ANKRD44: variants seen among roughly 807,000 people sequenced by gnomAD.
ANKRD44 encodes serine/threonine-protein phosphatase 6 regulatory ankyrin repeat subunit B.
In ANKRD44, 35 loss-of-function variants were observed where a neutral mutation model predicts 116.0. That is an observed-to-expected ratio of 0.30 (90% CI 0.23 to 0.40). The LOEUF (loss-of-function observed/expected upper bound fraction) is 0.40. Ranked by LOEUF, ANKRD44 falls within the 10% of genes least tolerant of loss-of-function variation. The pLI, the probability that ANKRD44 is intolerant of heterozygous loss-of-function variation, is 1.00. For missense variants in ANKRD44, 1,014 were observed against 1,242.6 expected, an observed-to-expected ratio of 0.82 and a Z score of 2.77; for synonymous variants, 435 against 461.8, an observed-to-expected ratio of 0.94 and a Z score of 0.74.
downstream of ANKRD44, among the ~76,000 whole-genome samples, chr2:196,983,523 G>A (rs544761168): frequency 6.6e-6 from 1 of 152,268 alleles, no homozygotes; most frequent in South Asian, 2.1e-4. Context: ...TAGGATCTGA[G>A]TTTAAATGTT....
At position 197,058,515 on chromosome 2, in the gene ANKRD44, A is replaced by G. The variant is rs1005997545; in HGVS notation, c.1650+20188T>C. Among the ~76,000 whole-genome samples the G allele has an allele frequency of 7.9e-5, 12 of 152,106 alleles. 1 individual carries two copies. Among genetic ancestry groups the G allele is most frequent in the Non-Finnish European group, 1.6e-4 (11 of 68,032 alleles). ...GGAAAAAATAATAGATAAGTTTAAG[A>G]AGATCAGAAACTTATAGTTGATGTC... On this transcript the variant is annotated intron_variant, in intron 16 of 27. Coordinates refer to ENST00000282272, the MANE Select transcript of ANKRD44 (RefSeq NM_001195144.2).
At chr2:197,130,988 G>A (rs2079081727) in intron 4 of ANKRD44, among the ~76,000 whole-genome samples, 1 of 152,180 alleles carries the variant, frequency 6.6e-6, no homozygotes, top group African/African-American at 2.4e-5. Context: ...GCACAGAATG[G>A]TGGTTAAGCA....
In ANKRD44 at chr2:196,993,578, C is replaced by T; in HGVS notation, c.2923+5G>A. ...CTGCAGTCGCTGTTGACTTTTTCCA[C>T]TTACCATTTTCATCTACAGCAAGTA... On this transcript the variant is annotated splice_donor_5th_base_variant and intron_variant, in intron 27 of 27. Coordinates refer to ENST00000282272, the MANE Select transcript of ANKRD44 (RefSeq NM_001195144.2). The T allele has an allele frequency of 1.3e-6, 2 of 1,550,276 alleles. No homozygotes were observed. The highest frequency in any genetic ancestry group is 1.7e-6 in the Non-Finnish European group (2 of 1,146,530).
intron 2 of ANKRD44, among the ~76,000 whole-genome samples, chr2:197,174,862 C>G (rs1159935082): frequency 6.6e-6 from 1 of 152,116 alleles, no homozygotes; most frequent in Admixed American, 6.5e-5. Context: ...TTAAGGGTTG[C>G]TATTTTACAT....
chr2:196,989,664 G>A lies in ANKRD44; in HGVS notation c.2924-15C>T. The A allele has an allele frequency of 1.3e-6, 2 of 1,550,118 alleles. No homozygotes were observed. The highest frequency in any genetic ancestry group is 4.9e-5 in the East Asian group (2 of 40,900). On this transcript the variant is annotated splice_polypyrimidine_tract_variant and intron_variant, in intron 27 of 27. Coordinates refer to ENST00000282272, the MANE Select transcript of ANKRD44 (RefSeq NM_001195144.2). ...TGACCTAGAAGCTTTGGCAGAGGGA[G>A]CAGACACAGTATTCACTATGTTGAT...
At chr2:197,280,254 T>G (rs1215858858) in intron 1 of ANKRD44, among the ~76,000 whole-genome samples, 1 of 151,968 alleles carries the variant, frequency 6.6e-6, no homozygotes, top group East Asian at 1.9e-4. Context: ...GAAATTAGCA[T>G]AAAGAAAAAA....
At chr2:197,141,562 G>T (rs1259448274) in intron 3 of ANKRD44, among the ~76,000 whole-genome samples, 2 of 152,122 alleles carry the variant, frequency 1.3e-5, no homozygotes, top group Admixed American at 6.6e-5. Flanking sequence ...CCACACCCGG[G>T]GTGTAACGAC....
intron 1 of ANKRD44, among the ~76,000 whole-genome samples, chr2:197,262,814 A>G (rs951469216): frequency 1.3e-5 from 2 of 152,184 alleles, no homozygotes; most frequent in African/African-American, 4.8e-5. Context: ...CTGAGACAGG[A>G]GAATCGCTTT....
At chr2:197,276,880 C>T (rs1216656260) in intron 1 of ANKRD44, among the ~76,000 whole-genome samples, 1 of 151,982 alleles carries the variant, frequency 6.6e-6, no homozygotes. Context: ...GGTGCCTAGG[C>T]TCCAGCCTGT....
rs145674047 is a variant in ANKRD44 at position 197,110,319 on chromosome 2, G to T, written c.985+447C>A. Among the ~76,000 whole-genome samples, 673 of 152,160 alleles carry T rather than the reference G, an allele frequency of 4.4e-3. 3 individuals are homozygous for T. Among genetic ancestry groups the T allele is most frequent in the African/African-American group, 0.015 (618 of 41,500 alleles). ...GATCCTTTATATCACATCCTTACCT[G>T]CTTTTCCTCTAAGTCATCTCATTTT... On this transcript the variant is annotated intron_variant, in intron 9 of 27. Coordinates refer to ENST00000282272, the MANE Select transcript of ANKRD44 (RefSeq NM_001195144.2).
chr2:197,125,441 C>T lies in ANKRD44; in HGVS notation c.490G>A (p.Ala164Thr), dbSNP rs770840217. ...TTCTTGTCAAATGCATTGATATTTG[C>T]CCCTTTGGCCAAGAGTAAATTGACC... ...EMVNLLLAKG[A>T]NINAFDKKDR... The change falls in exon 6 of 28, where the codon GCA (alanine) becomes ACA (threonine). Residue 164 changes from alanine (A) to threonine (T), a missense_variant. Transcript: ENST00000282272. The T allele has an allele frequency of 3.7e-6, 6 of 1,613,848 alleles. No individual in the cohort carries two copies. Among genetic ancestry groups the T allele is most frequent in the South Asian group, 2.2e-5 (2 of 91,084 alleles).
At chr2:197,041,484 G>T (rs1407981807) in intron 16 of ANKRD44, among the ~76,000 whole-genome samples, 4 of 152,146 alleles carry the variant, frequency 2.6e-5, no homozygotes, top group African/African-American at 4.8e-5. Context: ...GCCACCTCAA[G>T]ACTGTATGGC....
intron 20 of ANKRD44, among the ~76,000 whole-genome samples, chr2:197,006,311 C>T (rs544004527): frequency 1.3e-5 from 2 of 151,952 alleles, no homozygotes; most frequent in African/African-American, 2.4e-5. Flanking sequence ...CTGGCATGGT[C>T]GTGGGTCCCT....
At chr2:197,112,052 T>C (rs2078581207) in intron 8 of ANKRD44, among the ~76,000 whole-genome samples, 3 of 152,202 alleles carry the variant, frequency 2.0e-5, no homozygotes, top group African/African-American at 7.2e-5. Flanking sequence ...ATACCATATG[T>C]AACTAAGAAA....
chr2:197,010,800 G>A (rs80029273), intron 18 of ANKRD44, among the ~76,000 whole-genome samples: 4 of 152,286 alleles, frequency 2.6e-5, no homozygotes, highest in East Asian at 1.9e-4. Context: ...GGGAATAGAC[G>A]CCGCTATGTG....
intron 16 of ANKRD44, among the ~76,000 whole-genome samples, chr2:197,042,965 A>G (rs996945918): frequency 5.3e-5 from 8 of 152,356 alleles, no homozygotes; most frequent in Non-Finnish European, 7.3e-5. Context: ...TTTTGCACCA[A>G]TGTGGGTGTG....
At chr2:197,052,286 T>C (rs534802019) in intron 16 of ANKRD44, among the ~76,000 whole-genome samples, 1 of 152,320 alleles carries the variant, frequency 6.6e-6, no homozygotes, top group East Asian at 1.9e-4. Flanking sequence ...AACCAAACCA[T>C]CTAAATAACT....
chr2:197,046,470 A>G (rs913550950), intron 16 of ANKRD44, among the ~76,000 whole-genome samples: 1 of 152,146 alleles, frequency 6.6e-6, no homozygotes, highest in African/African-American at 2.4e-5. Flanking sequence ...ATTCACTCCT[A>G]TCTCTGAATT....
intron 1 of ANKRD44, among the ~76,000 whole-genome samples, chr2:197,289,423 A>G (rs567350530): frequency 6.6e-6 from 1 of 152,372 alleles, no homozygotes; most frequent in Non-Finnish European, 1.5e-5. Context: ...TGTTTAAAGA[A>G]AAGACTTGCA....
Sources: allele counts gnomAD v4.1 joint callset (sites outside exome capture counted in the v4.1 genomes callset), GRCh38; gene constraint gnomAD v4.1.1; transcripts MANE v1.5; gene names NCBI Gene and HGNC (gene_info 2026-07-23, HGNC 2026-07-21).